The following PHACTR1 variants were observed in gnomAD, a reference collection of about 807,000 sequenced individuals.
PHACTR1 encodes the protein phosphatase and actin regulator 1, also known as RPEL repeat containing 1.
A neutral mutation model predicts 69.2 loss-of-function variants in PHACTR1; 16 were observed. The ratio of observed to expected loss-of-function variants is 0.23; its 90% CI spans 0.16 to 0.35. The LOEUF (loss-of-function observed/expected upper bound fraction) is 0.35, where lower values mean the gene tolerates loss of function less well. Ranked by LOEUF, PHACTR1 falls within the 10% of genes least tolerant of loss-of-function variation. The probability of loss-of-function intolerance (pLI) is 1.00; values close to 1 mark genes in which losing one functional copy is unlikely to be tolerated. For missense variants in PHACTR1, 510 were observed against 734.7 expected (o/e 0.69, Z 3.54); for synonymous variants, 312 against 284.5 (o/e 1.10, Z -0.97).
intron 4 of PHACTR1, among the ~76,000 whole-genome samples, chr6:13,025,671 TTGTGTGTGTGTGTGTG>T (rs60800778): frequency 1.5e-3 from 205 of 140,314 alleles, no homozygotes; most frequent in African/African-American, 5.2e-3. Context: ...CATATATTAT[TTGTGTGTGTGTGTGTG>T]TGTGTGTGTG....
chr6:13,151,583 T>C (rs1196180821), intron 5 of PHACTR1, among the ~76,000 whole-genome samples: 1 of 152,216 alleles, frequency 6.6e-6, no homozygotes, highest in Non-Finnish European at 1.5e-5. Context: ...AGCTGCAGGC[T>C]GGTTAAATAA....
chr6:13,161,651 G>T (rs1759034211), intron 6 of PHACTR1, among the ~76,000 whole-genome samples: 2 of 152,176 alleles, frequency 1.3e-5, no homozygotes, highest in Non-Finnish European at 2.9e-5. Context: ...CTACAACGAG[G>T]CAGGTGGTAC....
chr6:13,186,753 A>G (rs1376042943), intron 7 of PHACTR1, among the ~76,000 whole-genome samples: 2 of 152,238 alleles, frequency 1.3e-5, no homozygotes, highest in African/African-American at 4.8e-5. Flanking sequence ...GTTTTGTGGA[A>G]GACCATTTTT....
chr6:12,926,609 A>T (rs1788291150), intron 4 of PHACTR1, among the ~76,000 whole-genome samples: 1 of 152,222 alleles, frequency 6.6e-6, no homozygotes, highest in Non-Finnish European at 1.5e-5. Flanking sequence ...CCTTGTCCCC[A>T]TAGAAAGCTG....
intron 5 of PHACTR1, among the ~76,000 whole-genome samples, chr6:13,124,846 T>G (rs941595549): frequency 6.6e-6 from 1 of 152,238 alleles, no homozygotes; most frequent in African/African-American, 2.4e-5. Flanking sequence ...TATGTCTATG[T>G]CTTATATGGT....
At chr6:12,895,859 G>A (rs1784619726) in intron 4 of PHACTR1, among the ~76,000 whole-genome samples, 1 of 152,164 alleles carries the variant, frequency 6.6e-6, no homozygotes, top group Non-Finnish European at 1.5e-5. Flanking sequence ...AGAACTCCTG[G>A]GTAACTCTAA....
At chr6:12,788,766 A>T (rs1009854088) in intron 4 of PHACTR1, among the ~76,000 whole-genome samples, 2 of 152,182 alleles carry the variant, frequency 1.3e-5, no homozygotes, top group African/African-American at 2.4e-5. Context: ...GCCTTCTAGG[A>T]GCTAATAATT....
At chr6:13,131,206 CAT>C (rs1561872839) in intron 5 of PHACTR1, among the ~76,000 whole-genome samples, 10 of 24,494 alleles carry the variant, frequency 4.1e-4, no homozygotes, top group South Asian at 1.3e-3. Flanking sequence ...TATATATACA[CAT>C]ACACACACAC....
At chr6:12,764,391 T>C (rs1258587308) in intron 4 of PHACTR1, among the ~76,000 whole-genome samples, 1 of 152,224 alleles carries the variant, frequency 6.6e-6, no homozygotes, top group African/African-American at 2.4e-5. Context: ...ATAGTCACAA[T>C]GAATCTTGAG....
At chr6:13,117,950 C>T (rs147851461) in intron 5 of PHACTR1, among the ~76,000 whole-genome samples, 5 of 152,206 alleles carry the variant, frequency 3.3e-5, no homozygotes, top group East Asian at 3.9e-4. Flanking sequence ...TTTTACAAGC[C>T]GGAGCATAAT....
rs1161324144 is a variant in PHACTR1 at position 12,955,192 on chromosome 6, C to CTTTTT, written c.251-98157_251-98153dup. On this transcript the variant is annotated intron_variant, in intron 4 of 14. Coordinates refer to ENST00000332995, the MANE Select transcript of PHACTR1 (RefSeq NM_030948.6). ...ATCTATGGCTCACATTGTATTTCCTCTTTTTTTTTTTTTTTTTTTTGAGAG... is the reference window on the plus strand; with the variant it reads ...ATCTATGGCTCACATTGTATTTCCTCTTTTTTTTTTTTTTTTTTTTTTTTTGAGAG... 2.7e-4 allele frequency among the ~76,000 whole-genome samples: 28 copies of CTTTTT among 103,284 alleles called. 3 individuals carry two copies. The highest frequency in any genetic ancestry group is 1.3e-3 in the African/African-American group (26 of 19,520). 67.8% of individuals were successfully genotyped at this position (103,284 alleles called of 152,430 possible). A position where few individuals can be genotyped will look rare whatever the true frequency, so the allele number is the denominator to read the frequency against.
At chr6:12,757,771 C>T (rs1034792195) in intron 4 of PHACTR1, among the ~76,000 whole-genome samples, 25 of 152,050 alleles carry the variant, frequency 1.6e-4, no homozygotes, top group Non-Finnish European at 1.3e-4. Context: ...CAGAGAAAGA[C>T]ATGTCAAGTG....
At chr6:12,973,778 G>A (rs1472075402) in intron 4 of PHACTR1, among the ~76,000 whole-genome samples, 2 of 152,158 alleles carry the variant, frequency 1.3e-5, no homozygotes, top group Non-Finnish European at 2.9e-5. Flanking sequence ...AAGGCACGCT[G>A]CAAAGAAAGG....
intron 4 of PHACTR1, among the ~76,000 whole-genome samples, chr6:12,923,410 T>C (rs1458423266): frequency 6.6e-6 from 1 of 152,206 alleles, no homozygotes; most frequent in Non-Finnish European, 1.5e-5. Context: ...GAACACAAAA[T>C]AATTTTCACT....
intron 4 of PHACTR1, among the ~76,000 whole-genome samples, chr6:12,984,798 G>A (rs184028384): frequency 5.9e-5 from 9 of 152,040 alleles, no homozygotes; most frequent in South Asian, 4.2e-4. Context: ...AAAGCAAACC[G>A]TCTAATGATG....
At chr6:12,888,993 C>G (rs1009412182) in intron 4 of PHACTR1, among the ~76,000 whole-genome samples, 3 of 152,162 alleles carry the variant, frequency 2.0e-5, no homozygotes, top group African/African-American at 7.2e-5. Flanking sequence ...TGGGGTAAGG[C>G]CAGGCATGGT....
intron 5 of PHACTR1, among the ~76,000 whole-genome samples, chr6:13,116,408 A>G (rs1215040514): frequency 1.3e-5 from 2 of 152,230 alleles, no homozygotes; most frequent in South Asian, 2.1e-4. Context: ...AGTGTACCTT[A>G]TATTGTCTTT....
At chr6:12,834,314 T>C (rs1171419810) in intron 4 of PHACTR1, among the ~76,000 whole-genome samples, 2 of 152,156 alleles carry the variant, frequency 1.3e-5, no homozygotes, top group Non-Finnish European at 2.9e-5. Flanking sequence ...TGGGACCTGA[T>C]TGGCATAATA....
chr6:13,078,067 C>T (rs146388302), intron 5 of PHACTR1, among the ~76,000 whole-genome samples: 434 of 152,176 alleles, frequency 2.9e-3, no homozygotes, highest in African/African-American at 6.9e-3. Context: ...GAGTGTAGGA[C>T]GCCAAGGCTG....
Sources: gnomAD v4.1 joint callset for allele counts (sites outside exome capture counted in the v4.1 genomes callset) on GRCh38, gnomAD v4.1.1 for gene constraint, MANE v1.5 for transcripts, NCBI Gene and HGNC (gene_info 2026-07-23, HGNC 2026-07-21) for gene names.